SULF2: variants seen among roughly 807,000 people sequenced by gnomAD.
SULF2 encodes extracellular sulfatase Sulf-2.
A neutral mutation model predicts 107.7 loss-of-function variants in SULF2; 52 were observed. The ratio of observed to expected loss-of-function variants is 0.48; its 90% confidence interval spans 0.39 to 0.61. The LOEUF (loss-of-function observed/expected upper bound fraction) is 0.61, where lower values mean the gene tolerates loss of function less well. SULF2 is among the 20% of genes least tolerant of loss of function. The pLI, the probability that SULF2 is intolerant of heterozygous loss-of-function variation, is 0.00. For synonymous variants in SULF2, 460 were observed against 464.3 expected, an observed-to-expected ratio of 0.99 and a Z score of 0.12; for missense variants, 993 against 1,177.3, an observed-to-expected ratio of 0.84 and a Z score of 2.29.
At chr20:47,713,822 G>A (rs913905545) in intron 3 of SULF2, among the ~76,000 whole-genome samples, 4 of 152,082 alleles carry the variant, frequency 2.6e-5, no homozygotes, top group African/African-American at 9.7e-5. Flanking sequence ...AATACAGTCT[G>A]CTTTCCGTTT....
At chr20:47,695,508 T>A (rs1272906177) in intron 4 of SULF2, among the ~76,000 whole-genome samples, 1 of 152,228 alleles carries the variant, frequency 6.6e-6, no homozygotes, top group Non-Finnish European at 1.5e-5. Context: ...CTAATTTAGA[T>A]GCCTCATGTA....
chr20:47,771,155 G>C (rs902625316), intron 1 of SULF2, among the ~76,000 whole-genome samples: 1 of 152,180 alleles, frequency 6.6e-6, no homozygotes, highest in African/African-American at 2.4e-5. Flanking sequence ...AACCCGATCT[G>C]ATCCCTGGCT....
chr20:47,770,479 G>A (rs776900582), intron 1 of SULF2, among the ~76,000 whole-genome samples: 8 of 152,208 alleles, frequency 5.3e-5, no homozygotes, highest in Non-Finnish European at 8.8e-5. Flanking sequence ...GGGGCAAGAG[G>A]TGGACGGTTT....
rs574813710 is a variant in SULF2 at position 47,711,482 on chromosome 20, C to T, written c.416-8812G>A. ...GAGGCAGCCAGCAGGACAGAAAGCA[C>T]CCGCTGCTTTCGGAGGACTTTCTCT... On this transcript the variant is annotated intron_variant, in intron 3 of 20. Coordinates refer to ENST00000688720, the MANE Select transcript of SULF2 (RefSeq NM_001387048.1). 4.9e-4 allele frequency among the ~76,000 whole-genome samples: 75 copies of T among 152,326 alleles called. 1 individual carries two copies. Among genetic ancestry groups the T allele is most frequent in the African/African-American group, 1.4e-3 (58 of 41,556 alleles).
At chr20:47,689,253 G>A (rs1004591815) in intron 5 of SULF2, among the ~76,000 whole-genome samples, 5 of 152,190 alleles carry the variant, frequency 3.3e-5, no homozygotes, top group African/African-American at 9.6e-5. Context: ...ACACCCCTGC[G>A]TAGACCCTCC....
chr20:47,722,085 G>A (rs912907256), intron 3 of SULF2, among the ~76,000 whole-genome samples: 14 of 152,182 alleles, frequency 9.2e-5, no homozygotes, highest in Admixed American at 7.2e-4. Context: ...GACAGAAAAC[G>A]CAAGAAGCAG....
chr20:47,726,940 C>T lies in SULF2; in HGVS notation c.415+9763G>A, dbSNP rs140117555. On this transcript the variant is annotated intron_variant, in intron 3 of 20. Coordinates refer to ENST00000688720, the MANE Select transcript of SULF2 (RefSeq NM_001387048.1). ...AACCATGGTTGGGAAGGGAAGGCTA[C>T]GCATGGAGCTGATCTTCAGGGCGGC... Among the ~76,000 whole-genome samples the T allele has an allele frequency of 2.2e-3, 342 of 152,176 alleles. 6 individuals are homozygous for T. In the East Asian group the frequency reaches 0.038, roughly 17 times the overall value.
chr20:47,672,241 G>A lies in SULF2; in HGVS notation c.1533C>T (p.Tyr511=), dbSNP rs2087501089. Residue 511 remains tyrosine, a synonymous_variant, in exon 11 of 21, where the codon TAC becomes TAT. Coordinates refer to ENST00000688720, the MANE Select transcript of SULF2 (RefSeq NM_001387048.1). The stretch of plus-strand genomic sequence containing the variant: ...TCCGGCGTCCGGCCAGGCTGAGCTT[G>A]TAGTCCCCGCTGTCACAGGTGCAGG... ...SEACTCDSGD[Y]KLSLAGRRKK... is the part of the protein sequence containing the mutation. 2 of 1,612,840 alleles carry A rather than the reference G, an allele frequency of 1.2e-6. No individual in the cohort carries two copies. Among genetic ancestry groups the A allele is most frequent in the Non-Finnish European group, 1.7e-6 (2 of 1,179,244 alleles).
intron 3 of SULF2, among the ~76,000 whole-genome samples, chr20:47,712,062 T>C (rs1310800792): frequency 6.6e-6 from 1 of 152,128 alleles, no homozygotes; most frequent in African/African-American, 2.4e-5. Context: ...AACATACACA[T>C]ATACACAGGA....
chr20:47,736,581 A>C, intron 3 of SULF2, 122 bp downstream of exon 3: 3 of 1,299,980 alleles, frequency 2.3e-6, no homozygotes, highest in Middle Eastern at 2.7e-4. Flanking sequence ...TGAAATTATA[A>C]GAGAGTTGCT....
chr20:47,677,539 A>G (rs2087691184), intron 8 of SULF2, among the ~76,000 whole-genome samples: 1 of 152,040 alleles, frequency 6.6e-6, no homozygotes, highest in African/African-American at 2.4e-5. Flanking sequence ...CATCAGGCGC[A>G]GTGGTTTGGC....
intron 3 of SULF2, among the ~76,000 whole-genome samples, chr20:47,728,462 G>A (rs980250546): frequency 6.6e-6 from 1 of 152,018 alleles, no homozygotes; most frequent in Non-Finnish European, 1.5e-5. Flanking sequence ...GGAGAGAAAC[G>A]GGAGAGGAGA....
chr20:47,681,222 G>T (rs190730810), intron 7 of SULF2, among the ~76,000 whole-genome samples: 1 of 152,168 alleles, frequency 6.6e-6, no homozygotes, highest in South Asian at 2.1e-4. Flanking sequence ...CCTGAGGCTG[G>T]AGCTGTGCAT....
In SULF2 at chr20:47,711,572, C is replaced by T. The variant is rs564759704; in HGVS notation, c.416-8902G>A. On this transcript the variant is annotated intron_variant, in intron 3 of 20. Transcript: ENST00000688720. ...CTTCTTTAAGGACATCAGCAACTTTCGGTACATGTTCATCCCACACCATTT... is the reference window on the plus strand; with the variant it reads ...CTTCTTTAAGGACATCAGCAACTTTTGGTACATGTTCATCCCACACCATTT... 4.9e-4 allele frequency among the ~76,000 whole-genome samples: 75 copies of T among 152,314 alleles called. No homozygotes were observed. The South Asian group carries it at 7.9e-3, about 16-fold the overall frequency.
At position 47,659,678 on chromosome 20, in the gene SULF2, T is replaced by C. The variant is rs769055083; in HGVS notation, c.2528+19A>G. 6.2e-7 allele frequency: 1 copy of C among 1,605,990 alleles called. No individual in the cohort carries two copies. Among genetic ancestry groups the C allele is most frequent in the Non-Finnish European group, 8.5e-7 (1 of 1,172,958 alleles). ...AGATAGGAGAACTTTGTTTAGGCTT[T>C]AATAATAAAACGAAATACCTGTATT... is the stretch of plus-strand genomic sequence containing the variant. On this transcript the variant is annotated intron_variant, in intron 19 of 20. Transcript: ENST00000688720.
At chr20:47,669,925 T>C (rs73312178) in intron 11 of SULF2, among the ~76,000 whole-genome samples, 1,827 of 152,300 alleles carry the variant, frequency 0.012, 39 homozygotes, top group African/African-American at 0.042. Context: ...GGCTGTGTAA[T>C]CCAATCTGGA....
chr20:47,692,656 A>C (rs2088235429), intron 4 of SULF2, among the ~76,000 whole-genome samples: 1 of 152,120 alleles, frequency 6.6e-6, no homozygotes, highest in South Asian at 2.1e-4. Flanking sequence ...GGTTAGCCCA[A>C]GTAGATACAG....
Position 47,663,630 on chromosome 20 carries a change from C to T in SULF2, c.2058-8G>A, listed in dbSNP as rs764152215. On this transcript the variant is annotated splice_polypyrimidine_tract_variant and splice_region_variant and intron_variant, in intron 15 of 20. Transcript: ENST00000688720. ...TTCTCTTGCAGGCCCTTCCTATGGG[C>T]GCAGAGGGCCACACACACCTTGGGC... 1.3e-5 allele frequency: 21 copies of T among 1,570,786 alleles called. No individual in the cohort carries two copies. The highest frequency in any genetic ancestry group is 1.7e-4 in the Middle Eastern group (1 of 5,878).
At chr20:47,760,842 T>G (rs1037371535) in intron 1 of SULF2, among the ~76,000 whole-genome samples, 1 of 152,154 alleles carries the variant, frequency 6.6e-6, no homozygotes, top group African/African-American at 2.4e-5. Context: ...TCCTTCTCAA[T>G]CTCTCGTCTG....
Sources: gnomAD v4.1 joint callset for allele counts (sites outside exome capture counted in the v4.1 genomes callset) on GRCh38, gnomAD v4.1.1 for gene constraint, MANE v1.5 for transcripts, NCBI Gene and HGNC (gene_info 2026-07-23, HGNC 2026-07-21) for gene names.